The following HRH1 variants were observed in gnomAD, a reference collection of about 807,000 sequenced individuals.
HRH1 encodes histamine receptor H1.
HRH1 carries 6 observed loss-of-function variants against 10.3 expected under a neutral mutation model. The observed-to-expected ratio is 0.58, with a 90% CI of 0.32 to 1.15. The LOEUF is 1.15. HRH1 is among the 50% of genes most tolerant of loss of function. The pLI is 0.05. For synonymous variants in HRH1, 242 were observed against 236.7 expected (o/e 1.02, Z -0.21); for missense variants, 514 against 615.3 (o/e 0.84, Z 1.74).
At chr3:11,201,978 G>A (rs1447851885) in intron 1 of HRH1, among the ~76,000 whole-genome samples, 1 of 152,234 alleles carries the variant, frequency 6.6e-6, no homozygotes, top group Non-Finnish European at 1.5e-5. Flanking sequence ...ACCGGGGCAG[G>A]CACCAGGACT....
chr3:11,227,743 C>A (rs1314539258), intron 1 of HRH1, among the ~76,000 whole-genome samples: 1 of 152,174 alleles, frequency 6.6e-6, no homozygotes, highest in Non-Finnish European at 1.5e-5. Context: ...GCCCACACCC[C>A]CTAGGAACTT....
intron 1 of HRH1, among the ~76,000 whole-genome samples, chr3:11,257,818 A>T (rs533040929): frequency 2.9e-4 from 44 of 152,188 alleles, no homozygotes; most frequent in Admixed American, 9.8e-4. Flanking sequence ...GACAATTTTT[A>T]AAAAATTTCA....
rs187875688 is a variant in HRH1, at chr3:11,206,240, G to A, written c.-36+51686G>A. Among the ~76,000 whole-genome samples, 346 of 152,120 alleles carry A rather than the reference G, an allele frequency of 2.3e-3. 1 individual carries two copies. The highest frequency in any genetic ancestry group is 6.8e-3 in the Middle Eastern group (2 of 294). ...AGTGATTCTCCTGCCTCAGCCTCCC[G>A]AGGAGTAGCCGGGACTACAGGCACA... On this transcript the variant is annotated intron_variant, in intron 1 of 1. Coordinates refer to ENST00000431010, the MANE Select transcript of HRH1 (RefSeq NM_001098212.2).
intron 1 of HRH1, among the ~76,000 whole-genome samples, chr3:11,251,976 GT>G (rs944662286): frequency 1.3e-5 from 2 of 152,220 alleles, no homozygotes; most frequent in Non-Finnish European, 2.9e-5. Flanking sequence ...GTGCTTTTGG[GT>G]AAGTACTCCC....
At chr3:11,223,395 A>C (rs901028382) in intron 1 of HRH1, among the ~76,000 whole-genome samples, 3 of 151,434 alleles carry the variant, frequency 2.0e-5, no homozygotes, top group African/African-American at 7.3e-5. Flanking sequence ...GCCACTCGAG[A>C]GGCTGAGGCA....
At chr3:11,254,912 G>A (rs559518174) in intron 1 of HRH1, among the ~76,000 whole-genome samples, 1 of 152,188 alleles carries the variant, frequency 6.6e-6, no homozygotes, top group African/African-American at 2.4e-5. Context: ...TGTCCTTTCC[G>A]CATTGGCTGG....
rs1489010137 is a variant in HRH1 at position 11,219,855 on chromosome 3, T to C, written c.-35-39148T>C. On this transcript the variant is annotated intron_variant, in intron 1 of 1. Coordinates refer to ENST00000431010, the MANE Select transcript of HRH1 (RefSeq NM_001098212.2). ...GATTTCTTCCTAAGATGACCTTAAA[T>C]TGACAAATCCTTTAATGTTAGACCT... Among the ~76,000 whole-genome samples the C allele has an allele frequency of 2.0e-5, 3 of 152,136 alleles. No homozygotes were observed. In the East Asian group the frequency reaches 5.8e-4, roughly 29 times the overall value.
chr3:11,219,950 G>GTTTTTTTTTTTTTTTTTT (rs552227637), intron 1 of HRH1, among the ~76,000 whole-genome samples: 1 of 110,362 alleles, frequency 9.1e-6, no homozygotes, highest in Non-Finnish European at 1.9e-5. Flanking sequence ...TTAATGTGTT[G>GTTTTTTTTTTTTTTTTTT]TTTTTTTTTT....
intron 1 of HRH1, among the ~76,000 whole-genome samples, chr3:11,237,163 C>T (rs181100499): frequency 2.0e-5 from 3 of 152,242 alleles, no homozygotes; most frequent in East Asian, 1.9e-4. Context: ...CATGTTAGCA[C>T]GGATATCCAT....
chr3:11,140,089 G>A (rs910334302), intron 1 of HRH1, among the ~76,000 whole-genome samples: 11 of 152,262 alleles, frequency 7.2e-5, no homozygotes, highest in East Asian at 1.9e-4. Context: ...ACAAAGGGCC[G>A]TCCGGATTTC....
intron 1 of HRH1, among the ~76,000 whole-genome samples, chr3:11,249,702 T>C (rs553337110): frequency 2.6e-5 from 4 of 152,324 alleles, no homozygotes; most frequent in South Asian, 2.1e-4. Flanking sequence ...TCCCTGGTTT[T>C]TGGTTGTCAA....
chr3:11,227,900 A>G (rs531347829), intron 1 of HRH1, among the ~76,000 whole-genome samples: 34 of 152,354 alleles, frequency 2.2e-4, no homozygotes, highest in African/African-American at 7.2e-4. Context: ...TCTTGGATGA[A>G]CTAGGACAGG....
chr3:11,146,646 C>T (rs906686763), intron 1 of HRH1, among the ~76,000 whole-genome samples: 9 of 152,136 alleles, frequency 5.9e-5, no homozygotes, highest in African/African-American at 1.9e-4. Flanking sequence ...AGGCATGGTC[C>T]TGAGCTTGGA....
chr3:11,205,449 T>C (rs1243065280), intron 1 of HRH1, among the ~76,000 whole-genome samples: 2 of 152,132 alleles, frequency 1.3e-5, no homozygotes, highest in African/African-American at 4.8e-5. Context: ...CTTGGGCAAG[T>C]TTTTTAACTT....
At chr3:11,151,444 T>C (rs1312365309), upstream of HRH1, among the ~76,000 whole-genome samples, 2 of 152,204 alleles carry the variant, frequency 1.3e-5, no homozygotes, top group Non-Finnish European at 2.9e-5. Flanking sequence ...AAGCCATTTA[T>C]AATTGGGTTT....
In HRH1 at chr3:11,180,058, C is replaced by T. The variant is rs534483550; in HGVS notation, c.-36+25504C>T. 7.9e-5 allele frequency among the ~76,000 whole-genome samples: 12 copies of T among 152,254 alleles called. No homozygotes were observed. The South Asian group carries it at 1.9e-3, about 24-fold the overall frequency. On this transcript the variant is annotated intron_variant, in intron 1 of 1. Coordinates refer to ENST00000431010, the MANE Select transcript of HRH1 (RefSeq NM_001098212.2). ...AATTACAGGCATGCACCACCACACCCGGCCCTCTTTTGTGTTTTAAATGGC... is the reference window on the plus strand; with the variant it reads ...AATTACAGGCATGCACCACCACACCTGGCCCTCTTTTGTGTTTTAAATGGC...
chr3:11,230,411 A>G (rs529518085), intron 1 of HRH1, among the ~76,000 whole-genome samples: 1 of 152,342 alleles, frequency 6.6e-6, no homozygotes, highest in Admixed American at 6.5e-5. Context: ...AGTCATCGGC[A>G]CCAGTCCAGA....
chr3:11,221,755 C>T (rs771209727), intron 1 of HRH1, among the ~76,000 whole-genome samples: 11 of 152,120 alleles, frequency 7.2e-5, no homozygotes, highest in Non-Finnish European at 8.8e-5. Flanking sequence ...CCCCTTTCCT[C>T]CTTCCCGCAG....
At position 11,260,265 on chromosome 3, in the gene HRH1, G is replaced by A. The variant is rs201053001; in HGVS notation, c.1228G>A (p.Glu410Lys). 26 of 1,614,152 alleles carry A rather than the reference G, an allele frequency of 1.6e-5. No individual in the cohort carries two copies. Among genetic ancestry groups the A allele is most frequent in the East Asian group, 4.5e-5 (2 of 44,886 alleles). Residue 410 changes from glutamate to lysine, a missense_variant, in exon 2 of 2, where the codon GAA becomes AAA. Glu to Lys is a moderately conservative substitution (Grantham distance 56). Coordinates refer to ENST00000431010, the MANE Select transcript of HRH1 (RefSeq NM_001098212.2). ...TGTATCTGGGTTGCACATGAACCGC[G>A]AAAGGAAGGCCGCCAAACAGTTGGG... is the stretch of plus-strand genomic sequence containing the variant. ...QYVSGLHMNRERKAAKQLGFI... is the reference protein window; with the variant it reads ...QYVSGLHMNRKRKAAKQLGFI...
Sources: gnomAD v4.1 joint callset for allele counts (sites outside exome capture counted in the v4.1 genomes callset) on GRCh38, gnomAD v4.1.1 for gene constraint, MANE v1.5 for transcripts, NCBI Gene and HGNC (gene_info 2026-07-23, HGNC 2026-07-21) for gene names.